Variants in MALRD1 observed in about 807,000 individuals in gnomAD.
MALRD1 encodes the protein MAM and LDL-receptor class A domain-containing protein 1.
In MALRD1, 247 loss-of-function variants were observed where a neutral mutation model predicts 242.1. The observed-to-expected ratio is 1.02, with a 90% confidence interval of 0.92 to 1.13. The LOEUF (loss-of-function observed/expected upper bound fraction) is 1.13. Ranked by LOEUF, MALRD1 falls within the 50% of genes most tolerant of loss-of-function variation. The pLI is 0.00. For missense variants in MALRD1, 2,989 were observed against 2,533.1 expected (o/e 1.18, Z -3.86); for synonymous variants, 995 against 866.6 (o/e 1.15, Z -2.60).
rs1347221983 is a variant in MALRD1 at position 19,729,718 on chromosome 10, A to ATTTT, written c.6315-986_6315-985insTTTT. Among the ~76,000 whole-genome samples, 28 of 98,974 alleles carry ATTTT rather than the reference A, an allele frequency of 2.8e-4. 1 individual carries two copies. The highest frequency in any genetic ancestry group is 4.3e-4 in the Non-Finnish European group (21 of 49,310). 64.9% of individuals were successfully genotyped at this position (98,974 alleles called of 152,430 possible). Reference sequence around the variant, plus strand: ...TGCGTGTCTTCTAATAAGTCTATTAATTCTTTTTTTTTTTTTTTTTTTTTT... The same window carrying ATTTT: ...TGCGTGTCTTCTAATAAGTCTATTAATTTTTTCTTTTTTTTTTTTTTTTTTTTTT... On this transcript the variant is annotated intron_variant, in intron 38 of 39. Coordinates refer to ENST00000454679, the MANE Select transcript of MALRD1 (RefSeq NM_001142308.3).
intron 14 of MALRD1, among the ~76,000 whole-genome samples, chr10:19,203,330 T>C (rs6481791): frequency 0.88 from 133,615 of 152,000 alleles, 58,953 homozygotes; most frequent in African/African-American, 0.96. Flanking sequence ...TTAGAAGTAG[T>C]AGCTTTTCAT....
At chr10:19,453,075 G>A (rs945235285) in intron 29 of MALRD1, among the ~76,000 whole-genome samples, 4 of 152,004 alleles carry the variant, frequency 2.6e-5, no homozygotes, top group Admixed American at 2.0e-4. Context: ...TTATTACAGT[G>A]GTCATCATTA....
intron 24 of MALRD1, among the ~76,000 whole-genome samples, chr10:19,347,108 C>T (rs538527629): frequency 4.6e-4 from 70 of 152,098 alleles, no homozygotes; most frequent in Middle Eastern, 3.4e-3. Flanking sequence ...ATTTACTTGC[C>T]GCACGATAAA....
chr10:19,439,504 C>T (rs1001758096), intron 28 of MALRD1, among the ~76,000 whole-genome samples: 2 of 151,182 alleles, frequency 1.3e-5, no homozygotes, highest in Non-Finnish European at 1.5e-5. Flanking sequence ...CACCACTGCA[C>T]GCTAGGCTGG....
chr10:19,221,925 C>T (rs552154768), intron 18 of MALRD1, among the ~76,000 whole-genome samples: 3 of 152,068 alleles, frequency 2.0e-5, no homozygotes, highest in East Asian at 1.9e-4. Context: ...CAAGAAAACA[C>T]GTGGATTTGT....
intron 33 of MALRD1, among the ~76,000 whole-genome samples, chr10:19,593,371 A>G (rs189996652): frequency 6.6e-5 from 10 of 152,300 alleles, no homozygotes; most frequent in Admixed American, 6.5e-4. Context: ...AATACCTTCT[A>G]GATACATCTT....
chr10:19,560,021 T>C (rs777519159), intron 32 of MALRD1, among the ~76,000 whole-genome samples: 14 of 152,166 alleles, frequency 9.2e-5, no homozygotes, highest in Non-Finnish European at 1.6e-4. Flanking sequence ...GAAATAGGAA[T>C]GCTTTCACAC....
intron 33 of MALRD1, among the ~76,000 whole-genome samples, chr10:19,570,279 A>T (rs939655002): frequency 7.2e-5 from 11 of 152,210 alleles, no homozygotes; most frequent in Middle Eastern, 3.4e-3. Flanking sequence ...AAATTAAATC[A>T]GTACTCCTCA....
intron 36 of MALRD1, among the ~76,000 whole-genome samples, chr10:19,658,908 AT>A (rs1054927974): frequency 6.6e-6 from 1 of 151,998 alleles, no homozygotes; most frequent in Admixed American, 6.6e-5. Context: ...AACAATCTTG[AT>A]TTTTTTTAAG....
chr10:19,266,306 A>G (rs1455731353), intron 19 of MALRD1, among the ~76,000 whole-genome samples: 5 of 151,620 alleles, frequency 3.3e-5, no homozygotes, highest in African/African-American at 9.7e-5. Flanking sequence ...CTCTCTTGCT[A>G]TCTTCCATTG....
At chr10:19,360,273 A>G (rs1482217917) in intron 26 of MALRD1, among the ~76,000 whole-genome samples, 1 of 152,108 alleles carries the variant, frequency 6.6e-6, no homozygotes, top group Non-Finnish European at 1.5e-5. Flanking sequence ...CTGAATGGCC[A>G]GGGATGAACT....
chr10:19,355,102 G>T lies in MALRD1; in HGVS notation c.4441+2805G>T, dbSNP rs186088256. ...GGGCAGTGGAATTTGAGCCCTGGAG[G>T]ACCAGATAAAGGATATGGTTGTGAG... is the stretch of plus-strand genomic sequence containing the variant. On this transcript the variant is annotated intron_variant, in intron 26 of 39. Transcript: ENST00000454679. Among the ~76,000 whole-genome samples the T allele has an allele frequency of 3.9e-5, 6 of 152,174 alleles. No homozygotes were observed. The East Asian group carries it at 1.2e-3, about 30-fold the overall frequency.
At chr10:19,423,945 A>C (rs1833808088) in intron 28 of MALRD1, among the ~76,000 whole-genome samples, 1 of 152,292 alleles carries the variant, frequency 6.6e-6, no homozygotes, top group Non-Finnish European at 1.5e-5. Flanking sequence ...TGGATCATTT[A>C]TGTTGGATGT....
intron 28 of MALRD1, among the ~76,000 whole-genome samples, chr10:19,432,672 G>A (rs764095787): frequency 1.3e-5 from 2 of 152,098 alleles, no homozygotes; most frequent in Admixed American, 6.6e-5. Flanking sequence ...AGAAGTGAAA[G>A]GTGCTATAAA....
At chr10:19,270,434 T>C (rs543157192) in intron 19 of MALRD1, among the ~76,000 whole-genome samples, 3 of 151,938 alleles carry the variant, frequency 2.0e-5, no homozygotes, top group African/African-American at 7.3e-5. Flanking sequence ...TGTGACACTA[T>C]TTATTCCTAG....
chr10:19,423,762 C>G (rs1833800437), intron 28 of MALRD1, among the ~76,000 whole-genome samples: 1 of 152,094 alleles, frequency 6.6e-6, no homozygotes, highest in Non-Finnish European at 1.5e-5. Context: ...GTAAAATTGG[C>G]AGATTCATGT....
intron 28 of MALRD1, among the ~76,000 whole-genome samples, chr10:19,440,268 T>G (rs1294125662): frequency 1.3e-5 from 2 of 152,198 alleles, no homozygotes; most frequent in Non-Finnish European, 2.9e-5. Flanking sequence ...CTTATTGCTA[T>G]TCTGTTTCAT....
At chr10:19,713,520 G>T (rs117333878) in intron 38 of MALRD1, among the ~76,000 whole-genome samples, 1,660 of 152,238 alleles carry the variant, frequency 0.011, 22 homozygotes, top group Non-Finnish European at 0.011. Flanking sequence ...CCATTTTTCT[G>T]GACAGATTCT....
intron 20 of MALRD1, among the ~76,000 whole-genome samples, chr10:19,282,683 G>T (rs1361007431): frequency 6.6e-6 from 1 of 152,142 alleles, no homozygotes; most frequent in Non-Finnish European, 1.5e-5. Flanking sequence ...GAACAGACTT[G>T]TCAGAACTTG....
Sources: allele counts gnomAD v4.1 joint callset (sites outside exome capture counted in the v4.1 genomes callset), GRCh38; gene constraint gnomAD v4.1.1; transcripts MANE v1.5; gene names NCBI Gene and HGNC (gene_info 2026-07-23, HGNC 2026-07-21).